GPC5: variants seen among roughly 807,000 people sequenced by gnomAD.
GPC5 encodes glypican 5, also known as glypican-5.
Under a neutral mutation model 53.9 loss-of-function variants are expected in GPC5, and 47 were observed. The observed-to-expected ratio is 0.87, with a 90% CI of 0.69 to 1.11. GPC5 has a LOEUF of 1.11. Among genes scored for constraint, GPC5 ranks in the 50% most tolerant of loss-of-function variants. GPC5 has a pLI of 0.00. For missense variants in GPC5, 748 were observed against 713.1 expected, an observed-to-expected ratio of 1.05 and a Z score of -0.56; for synonymous variants, 286 against 263.3, an observed-to-expected ratio of 1.09 and a Z score of -0.84.
In GPC5 at chr13:91,451,762, T is replaced by A. The variant is rs150169552; in HGVS notation, c.325+2840T>A. Among the ~76,000 whole-genome samples, 1,313 of 151,670 alleles carry A rather than the reference T, an allele frequency of 8.7e-3. 6 individuals carry two copies. The highest frequency in any genetic ancestry group is 0.014 in the Non-Finnish European group (980 of 67,824). On this transcript the variant is annotated intron_variant, in intron 2 of 7. Coordinates refer to ENST00000377067, the MANE Select transcript of GPC5 (RefSeq NM_004466.6). The stretch of plus-strand genomic sequence containing the variant: ...CCTCCCGAGCAGCTGGGATTACAGA[T>A]GTGTGCCACCATGCCCAGCTAATTT...
chr13:91,739,836 C>G (rs566053172), intron 4 of GPC5, among the ~76,000 whole-genome samples: 1 of 151,570 alleles, frequency 6.6e-6, no homozygotes, highest in African/African-American at 2.4e-5. Context: ...TATGCAAAGG[C>G]ATGAGGGATG....
chr13:91,713,052 A>G (rs1039166989), intron 3 of GPC5, among the ~76,000 whole-genome samples: 4 of 152,088 alleles, frequency 2.6e-5, no homozygotes, highest in South Asian at 4.1e-4. Flanking sequence ...TTAGCTGGGC[A>G]TGGAGGTGCA....
chr13:92,154,584 A>G (rs972039817), intron 7 of GPC5, among the ~76,000 whole-genome samples: 25 of 152,154 alleles, frequency 1.6e-4, no homozygotes, highest in African/African-American at 6.0e-4. Flanking sequence ...AAACATTTGT[A>G]ATTCTTATTT....
intron 5 of GPC5, among the ~76,000 whole-genome samples, chr13:91,761,899 A>T (rs1227873135): frequency 6.6e-6 from 1 of 152,192 alleles, no homozygotes; most frequent in Non-Finnish European, 1.5e-5. Context: ...GAGGGGCTGA[A>T]AGTCCCAACC....
At chr13:91,972,610 G>T (rs1255218035) in intron 6 of GPC5, among the ~76,000 whole-genome samples, 1 of 152,138 alleles carries the variant, frequency 6.6e-6, no homozygotes, top group East Asian at 1.9e-4. Flanking sequence ...GGTACCGGTT[G>T]TTCCTTTCCA....
chr13:91,616,292 G>A (rs2033693898), intron 2 of GPC5, among the ~76,000 whole-genome samples: 1 of 151,368 alleles, frequency 6.6e-6, no homozygotes, highest in Non-Finnish European at 1.5e-5. Context: ...ACTATTTAAA[G>A]ATCCTTTCTT....
intron 6 of GPC5, among the ~76,000 whole-genome samples, chr13:92,093,286 G>T (rs1270824642): frequency 6.6e-6 from 1 of 152,050 alleles, no homozygotes; most frequent in Non-Finnish European, 1.5e-5. Context: ...AAGTTTATCA[G>T]TTAAGTCGGT....
chr13:92,677,546 A>T (rs372924472), intron 7 of GPC5, among the ~76,000 whole-genome samples: 42 of 152,324 alleles, frequency 2.8e-4, no homozygotes, highest in African/African-American at 9.6e-4. Context: ...AAGAAGAGAT[A>T]ATTTAAAGAG....
intron 6 of GPC5, among the ~76,000 whole-genome samples, chr13:91,930,812 A>T (rs1206940031): frequency 3.9e-5 from 6 of 152,062 alleles, no homozygotes; most frequent in Non-Finnish European, 8.8e-5. Context: ...CAGCTGAGTG[A>T]CTGTAACAAT....
At chr13:91,923,675 A>G (rs1180494154) in intron 6 of GPC5, among the ~76,000 whole-genome samples, 1 of 152,216 alleles carries the variant, frequency 6.6e-6, no homozygotes, top group Non-Finnish European at 1.5e-5. Flanking sequence ...TATAGTAATG[A>G]GTCTGAATAG....
chr13:92,722,101 TAAC>T (rs927720508), intron 7 of GPC5, among the ~76,000 whole-genome samples: 43 of 152,116 alleles, frequency 2.8e-4, no homozygotes, highest in African/African-American at 9.4e-4. Flanking sequence ...CAGTTCAAAA[TAAC>T]AATGCATTCT....
At chr13:91,629,690 G>C (rs1395858830) in intron 2 of GPC5, among the ~76,000 whole-genome samples, 1 of 151,924 alleles carries the variant, frequency 6.6e-6, no homozygotes, top group Non-Finnish European at 1.5e-5. Context: ...GACTTAAAAG[G>C]CATTTAAACA....
intron 7 of GPC5, among the ~76,000 whole-genome samples, chr13:92,364,691 C>T (rs1054537137): frequency 2.6e-5 from 4 of 151,726 alleles, no homozygotes; most frequent in African/African-American, 7.3e-5. Flanking sequence ...GATCGCGCCA[C>T]TGCACTCCAG....
At chr13:92,257,437 T>C (rs1408300791) in intron 7 of GPC5, among the ~76,000 whole-genome samples, 1 of 151,850 alleles carries the variant, frequency 6.6e-6, no homozygotes, top group East Asian at 1.9e-4. Context: ...TATATCTTAA[T>C]TCATATGTTG....
chr13:91,748,168 G>A (rs1019985147), intron 4 of GPC5, among the ~76,000 whole-genome samples: 4 of 152,164 alleles, frequency 2.6e-5, no homozygotes, highest in South Asian at 4.1e-4. Flanking sequence ...TCATAACGCA[G>A]CATATCTGTG....
intron 7 of GPC5, among the ~76,000 whole-genome samples, chr13:92,764,703 A>G (rs1875324938): frequency 6.6e-6 from 1 of 152,140 alleles, no homozygotes; most frequent in East Asian, 1.9e-4. Flanking sequence ...AACTATTTTT[A>G]CATGCTCCAG....
intron 3 of GPC5, among the ~76,000 whole-genome samples, chr13:91,719,644 T>C (rs759276096): frequency 7.2e-5 from 11 of 152,192 alleles, no homozygotes; most frequent in African/African-American, 1.7e-4. Flanking sequence ...GCAATTTTAA[T>C]TGAAAAAGAA....
At chr13:91,947,805 C>T (rs958096553) in intron 6 of GPC5, among the ~76,000 whole-genome samples, 15 of 152,094 alleles carry the variant, frequency 9.9e-5, no homozygotes, top group African/African-American at 3.1e-4. Context: ...TTTCCCGTCC[C>T]CCCAACCCCT....
chr13:92,259,842 C>T (rs1021587088), intron 7 of GPC5, among the ~76,000 whole-genome samples: 1 of 152,140 alleles, frequency 6.6e-6, no homozygotes, highest in Non-Finnish European at 1.5e-5. Flanking sequence ...CAGAAATTCA[C>T]CCTTAGCTTC....
Sources: allele counts gnomAD v4.1 joint callset (sites outside exome capture counted in the v4.1 genomes callset), GRCh38; gene constraint gnomAD v4.1.1; transcripts MANE v1.5; gene names NCBI Gene and HGNC (gene_info 2026-07-23, HGNC 2026-07-21).